Variants in DNER observed in about 807,000 individuals in gnomAD.
The protein encoded by DNER is delta/notch like EGF repeat containing, also known as delta and Notch-like epidermal growth factor-related receptor.
Under a neutral mutation model 78.2 loss-of-function variants are expected in DNER, and 33 were observed. The observed-to-expected ratio is 0.42, with a 90% CI of 0.32 to 0.56. The LOEUF is 0.56. Ranked by LOEUF, DNER falls within the 20% of genes least tolerant of loss-of-function variation. The probability of loss-of-function intolerance (pLI) is 0.11; values close to 1 mark genes in which losing one functional copy is unlikely to be tolerated. For missense variants in DNER, 918 were observed against 975.3 expected (o/e 0.94, Z 0.78); for synonymous variants, 417 against 384.8 (o/e 1.08, Z -0.98).
At chr2:229,552,341 T>C (rs1464465439) in intron 4 of DNER, among the ~76,000 whole-genome samples, 1 of 152,170 alleles carries the variant, frequency 6.6e-6, no homozygotes, top group Non-Finnish European at 1.5e-5. Flanking sequence ...TTTGGCCCAA[T>C]AATATTAAAT....
intron 11 of DNER, among the ~76,000 whole-genome samples, chr2:229,380,751 C>A (rs1266248449): frequency 1.3e-5 from 2 of 151,872 alleles, no homozygotes; most frequent in South Asian, 4.2e-4. Context: ...ATAGTGAAAC[C>A]CCTTCTCTAC....
intron 1 of DNER, among the ~76,000 whole-genome samples, chr2:229,672,397 G>T (rs1433360985): frequency 1.3e-5 from 2 of 151,862 alleles, no homozygotes; most frequent in African/African-American, 4.8e-5. Flanking sequence ...GAGAGAGGAG[G>T]TGAAGGAGGG....
intron 1 of DNER, among the ~76,000 whole-genome samples, chr2:229,693,486 A>G (rs1699615009): frequency 6.6e-6 from 1 of 152,086 alleles, no homozygotes; most frequent in African/African-American, 2.4e-5. Flanking sequence ...AGGGCTCAGA[A>G]GAAGAAAGAA....
At chr2:229,567,097 G>A (rs1057478672) in intron 4 of DNER, among the ~76,000 whole-genome samples, 13 of 152,202 alleles carry the variant, frequency 8.5e-5, no homozygotes, top group Admixed American at 6.5e-4. Flanking sequence ...TTTTGCACAA[G>A]CAGTTCCAAC....
chr2:229,545,448 G>A (rs1323894923), intron 5 of DNER, among the ~76,000 whole-genome samples: 1 of 152,270 alleles, frequency 6.6e-6, no homozygotes, highest in East Asian at 1.9e-4. Flanking sequence ...AGCGGCACAT[G>A]CCTGTAATCC....
chr2:229,402,546 T>A (rs560657336), intron 10 of DNER, among the ~76,000 whole-genome samples: 29 of 152,350 alleles, frequency 1.9e-4, no homozygotes, highest in African/African-American at 6.7e-4. Flanking sequence ...AAAGATATAG[T>A]AACATCATTC....
chr2:229,503,263 T>G (rs539531232), intron 6 of DNER, among the ~76,000 whole-genome samples: 1 of 152,020 alleles, frequency 6.6e-6, no homozygotes, highest in Non-Finnish European at 1.5e-5. Flanking sequence ...TAAAAATGGT[T>G]CACTAGTTCA....
intron 10 of DNER, among the ~76,000 whole-genome samples, chr2:229,395,028 G>T (rs1574823769): frequency 6.6e-6 from 1 of 152,226 alleles, no homozygotes; most frequent in African/African-American, 2.4e-5. Flanking sequence ...TTTGTGGGAG[G>T]TACCTCTATT....
At chr2:229,557,063 C>T (rs1696867073) in intron 4 of DNER, among the ~76,000 whole-genome samples, 2 of 152,124 alleles carry the variant, frequency 1.3e-5, no homozygotes, top group African/African-American at 4.8e-5. Context: ...GCAAAGTAGC[C>T]CTCAGGAAAT....
chr2:229,373,842 G>A (rs1439284113), intron 11 of DNER, among the ~76,000 whole-genome samples: 3 of 152,182 alleles, frequency 2.0e-5, no homozygotes, highest in Non-Finnish European at 4.4e-5. Context: ...CATAGGAGCA[G>A]AAAAACAAAC....
At chr2:229,461,908 A>T (rs552554384) in intron 7 of DNER, among the ~76,000 whole-genome samples, 1 of 152,164 alleles carries the variant, frequency 6.6e-6, no homozygotes, top group East Asian at 1.9e-4. Flanking sequence ...TTTCAAACAC[A>T]TGGAAACAAT....
chr2:229,709,481 G>C (rs1386972478), intron 1 of DNER, among the ~76,000 whole-genome samples: 2 of 147,878 alleles, frequency 1.4e-5, no homozygotes, highest in East Asian at 1.9e-4. Flanking sequence ...GTGTGTGTCT[G>C]TGTGTGTGTG....
chr2:229,493,811 T>G (rs1281468494), intron 6 of DNER, among the ~76,000 whole-genome samples: 1 of 152,192 alleles, frequency 6.6e-6, no homozygotes, highest in Non-Finnish European at 1.5e-5. Flanking sequence ...TCTAATCTCT[T>G]TGCAGAGATG....
intron 6 of DNER, among the ~76,000 whole-genome samples, chr2:229,503,652 C>T (rs927080321): frequency 2.6e-5 from 4 of 152,184 alleles, no homozygotes; most frequent in Non-Finnish European, 4.4e-5. Flanking sequence ...GACATTCATG[C>T]AGTATGACGG....
At chr2:229,397,702 G>T (rs1273692755) in intron 10 of DNER, among the ~76,000 whole-genome samples, 2 of 151,960 alleles carry the variant, frequency 1.3e-5, no homozygotes, top group Admixed American at 6.6e-5. Context: ...AATCAAACTA[G>T]ATATCTATGA....
At chr2:229,435,483 A>C (rs925529491) in intron 8 of DNER, among the ~76,000 whole-genome samples, 1 of 152,248 alleles carries the variant, frequency 6.6e-6, no homozygotes, top group African/African-American at 2.4e-5. Context: ...ATGACTAACT[A>C]ATACAAAGGT....
Position 229,584,598 on chromosome 2 carries a change from G to T in DNER, c.847+1260C>A, listed in dbSNP as rs528709448. Among the ~76,000 whole-genome samples the T allele has an allele frequency of 2.0e-5, 3 of 152,274 alleles. No individual in the cohort carries two copies. The East Asian group carries it at 5.8e-4, about 29-fold the overall frequency. On this transcript the variant is annotated intron_variant, in intron 4 of 12. Coordinates refer to ENST00000341772, the MANE Select transcript of DNER (RefSeq NM_139072.4). ...AGCAAGAGGCAGTGGGTCGGGGAGGGAATACTGAGGGTCTCTCTTTCTGGC... is the reference window on the plus strand; with the variant it reads ...AGCAAGAGGCAGTGGGTCGGGGAGGTAATACTGAGGGTCTCTCTTTCTGGC...
At chr2:229,538,148 C>T (rs1048710724) in intron 5 of DNER, among the ~76,000 whole-genome samples, 1 of 152,150 alleles carries the variant, frequency 6.6e-6, no homozygotes, top group African/African-American at 2.4e-5. Context: ...ACTTTTATTA[C>T]TCATAAAAGC....
intron 4 of DNER, among the ~76,000 whole-genome samples, chr2:229,554,848 C>T (rs1005415949): frequency 1.5e-5 from 2 of 133,068 alleles, no homozygotes; most frequent in South Asian, 2.4e-4. Flanking sequence ...GAGTAAGACC[C>T]TGAAAGGAAA....
Sources: gnomAD v4.1 joint callset for allele counts (sites outside exome capture counted in the v4.1 genomes callset) on GRCh38, gnomAD v4.1.1 for gene constraint, MANE v1.5 for transcripts, NCBI Gene and HGNC (gene_info 2026-07-23, HGNC 2026-07-21) for gene names.